NRXN3: variants seen among roughly 807,000 people sequenced by gnomAD.
The protein encoded by NRXN3 is neurexin III.
NRXN3 carries 32 observed loss-of-function variants against 137.6 expected under a neutral mutation model. The ratio of observed to expected loss-of-function variants is 0.23; its 90% CI spans 0.18 to 0.31. The LOEUF (loss-of-function observed/expected upper bound fraction) is 0.31, where lower values mean the gene tolerates loss of function less well. Among genes scored for constraint, NRXN3 ranks in the 10% least tolerant of loss-of-function variants. The pLI is 1.00. For missense variants in NRXN3, 1,574 were observed against 2,062.5 expected, an observed-to-expected ratio of 0.76 and a Z score of 4.59; for synonymous variants, 798 against 784.5, an observed-to-expected ratio of 1.02 and a Z score of -0.29.
At chr14:78,271,683 C>T (rs979141797) in intron 2 of NRXN3, among the ~76,000 whole-genome samples, 3 of 152,258 alleles carry the variant, frequency 2.0e-5, no homozygotes, top group South Asian at 2.1e-4. Flanking sequence ...CCCTCCTGGC[C>T]GCTGCCTGCC....
At chr14:79,523,161 T>A (rs1387847747) in intron 16 of NRXN3, among the ~76,000 whole-genome samples, 7 of 152,178 alleles carry the variant, frequency 4.6e-5, no homozygotes, top group Non-Finnish European at 5.9e-5. Context: ...ACTTTGAAAT[T>A]AAGAGATTTT....
chr14:79,697,051 T>C (rs2098738147), intron 18 of NRXN3, among the ~76,000 whole-genome samples: 1 of 151,934 alleles, frequency 6.6e-6, no homozygotes, highest in Admixed American at 6.6e-5. Flanking sequence ...AAATGATACG[T>C]TTGGTGACTA....
At chr14:78,993,304 C>T (rs1379568048) in intron 15 of NRXN3, among the ~76,000 whole-genome samples, 2 of 152,116 alleles carry the variant, frequency 1.3e-5, no homozygotes, top group Non-Finnish European at 2.9e-5. Context: ...ATGCATTACT[C>T]AGTGTGCAAA....
chr14:79,570,458 T>G (rs2097588499), intron 16 of NRXN3: 1 of 152,204 alleles, frequency 6.6e-6, no homozygotes, highest in Admixed American at 6.5e-5. Context: ...CCTTCCCCTT[T>G]TCACTTCTAT....
intron 15 of NRXN3, among the ~76,000 whole-genome samples, chr14:78,990,774 T>C (rs563007503): frequency 3.9e-5 from 6 of 152,286 alleles, no homozygotes; most frequent in Non-Finnish European, 5.9e-5. Context: ...TGGTAGATTG[T>C]TTAAAATTAT....
chr14:78,928,572 T>G (rs1436191249), intron 10 of NRXN3, among the ~76,000 whole-genome samples: 1 of 152,122 alleles, frequency 6.6e-6, no homozygotes, highest in Non-Finnish European at 1.5e-5. Flanking sequence ...GTCCTTGCGA[T>G]AGTTTGCTCA....
intron 16 of NRXN3, among the ~76,000 whole-genome samples, chr14:79,574,192 A>G (rs143889827): frequency 2.2e-4 from 34 of 151,880 alleles, no homozygotes; most frequent in Admixed American, 9.2e-4. Flanking sequence ...AATCTCTTAT[A>G]TTTCTTCCTC....
At chr14:79,038,246 A>G (rs958491173) in intron 15 of NRXN3, among the ~76,000 whole-genome samples, 8 of 151,910 alleles carry the variant, frequency 5.3e-5, no homozygotes, top group Non-Finnish European at 1.5e-5. Context: ...CCCAGAGTCA[A>G]CAAGCAGAGA....
At chr14:78,916,203 T>C (rs913059302) in intron 10 of NRXN3, among the ~76,000 whole-genome samples, 2 of 152,164 alleles carry the variant, frequency 1.3e-5, no homozygotes, top group African/African-American at 4.8e-5. Flanking sequence ...GGAATGGGTA[T>C]AAATTAAAGC....
intron 4 of NRXN3, among the ~76,000 whole-genome samples, chr14:78,449,239 G>A (rs987773087): frequency 6.6e-6 from 1 of 152,064 alleles, no homozygotes; most frequent in South Asian, 2.1e-4. Context: ...TTGAGATGGT[G>A]TCTCACTCTG....
At chr14:79,399,934 C>A (rs929943829) in intron 15 of NRXN3, among the ~76,000 whole-genome samples, 1 of 152,128 alleles carries the variant, frequency 6.6e-6, no homozygotes, top group Non-Finnish European at 1.5e-5. Context: ...TGGCTTTTAG[C>A]AGCGTCACTC....
chr14:79,390,119 C>T (rs916790364), intron 15 of NRXN3, among the ~76,000 whole-genome samples: 2 of 152,036 alleles, frequency 1.3e-5, no homozygotes, highest in Non-Finnish European at 2.9e-5. Context: ...AGATCCAGAC[C>T]ATCCTGGCTA....
chr14:78,757,983 A>G (rs761885911), intron 8 of NRXN3, among the ~76,000 whole-genome samples: 1 of 152,238 alleles, frequency 6.6e-6, no homozygotes, highest in Non-Finnish European at 1.5e-5. Flanking sequence ...TGGGTTATTT[A>G]TGGGAAATAA....
intron 15 of NRXN3, among the ~76,000 whole-genome samples, chr14:79,028,898 A>C (rs1196102729): frequency 1.3e-5 from 2 of 152,088 alleles, no homozygotes; most frequent in Non-Finnish European, 2.9e-5. Context: ...TCTAAATGTA[A>C]CTCTTGTTCC....
intron 8 of NRXN3, among the ~76,000 whole-genome samples, chr14:78,760,992 A>G (rs1233612489): frequency 6.6e-6 from 1 of 152,136 alleles, no homozygotes; most frequent in Non-Finnish European, 1.5e-5. Context: ...CCGTAATGAC[A>G]TATTTGGAAT....
At chr14:79,547,148 T>C (rs1295360839) in intron 16 of NRXN3, among the ~76,000 whole-genome samples, 4 of 152,054 alleles carry the variant, frequency 2.6e-5, no homozygotes, top group African/African-American at 7.2e-5. Context: ...CCCTCTACAC[T>C]CAATCTGGAG....
At chr14:78,726,015 C>T (rs911581057) in intron 8 of NRXN3, among the ~76,000 whole-genome samples, 15 of 152,118 alleles carry the variant, frequency 9.9e-5, no homozygotes, top group African/African-American at 3.6e-4. Context: ...ATCTCTGGGT[C>T]TTCCACTCCT....
rs1018082358 is a variant in NRXN3, at chr14:78,229,396, C to T, written c.-703-12995C>T. Among the ~76,000 whole-genome samples, 4 of 152,164 alleles carry T rather than the reference C, an allele frequency of 2.6e-5. No homozygotes were observed. In the South Asian group the frequency reaches 8.3e-4, roughly 32 times the overall value. On this transcript the variant is annotated intron_variant, in intron 1 of 20. Coordinates refer to ENST00000335750, the MANE Select transcript of NRXN3 (RefSeq NM_001330195.2). ...CTGTAGTGCCACTTCCGCCACCGTCCAGTCATGTAATCTTGCACACTTGCT... is the reference window on the plus strand; with the variant it reads ...CTGTAGTGCCACTTCCGCCACCGTCTAGTCATGTAATCTTGCACACTTGCT...
chr14:78,939,690 T>TC (rs200852861), intron 10 of NRXN3, among the ~76,000 whole-genome samples: 4,067 of 152,350 alleles, frequency 0.027, 77 homozygotes, highest in Non-Finnish European at 0.04. Context: ...AAAATGGATG[T>TC]CACCAATGGG....
Sources: allele counts gnomAD v4.1 joint callset (sites outside exome capture counted in the v4.1 genomes callset), GRCh38; gene constraint gnomAD v4.1.1; transcripts MANE v1.5; gene names NCBI Gene and HGNC (gene_info 2026-07-23, HGNC 2026-07-21).